Variants in CCDC175 observed in about 807,000 individuals in gnomAD.
The protein encoded by CCDC175 is coiled-coil domain containing 175.
A neutral mutation model predicts 114.6 loss-of-function variants in CCDC175; 100 were observed. That is an observed-to-expected ratio of 0.87 (90% CI 0.74 to 1.03). The LOEUF is 1.03. Ranked by LOEUF, CCDC175 falls within the 50% of genes least tolerant of loss-of-function variation. CCDC175 has a pLI of 0.00. For synonymous variants in CCDC175, 306 were observed against 308.7 expected (o/e 0.99, Z 0.09); for missense variants, 880 against 917.8 (o/e 0.96, Z 0.53).
intron 17 of CCDC175, among the ~76,000 whole-genome samples, chr14:59,518,380 A>G (rs1336984324): frequency 1.3e-5 from 2 of 152,228 alleles, no homozygotes; most frequent in Non-Finnish European, 2.9e-5. Context: ...CAGAGTGAAC[A>G]GGCAACCTAC....
At chr14:59,533,987 T>TAAAAAA (rs3084296) in intron 13 of CCDC175, among the ~76,000 whole-genome samples, 12 of 133,606 alleles carry the variant, frequency 9.0e-5, no homozygotes, top group African/African-American at 1.1e-4. Flanking sequence ...AGACCCCTTT[T>TAAAAAA]AAAAAAAAAA....
intron 17 of CCDC175, among the ~76,000 whole-genome samples, chr14:59,521,014 T>C (rs1272453612): frequency 2.0e-5 from 3 of 152,230 alleles, no homozygotes; most frequent in African/African-American, 2.4e-5. Context: ...GTAAAAACTT[T>C]ATATGTAAAG....
At chr14:59,562,236 C>G (rs1358271832) in intron 6 of CCDC175, among the ~76,000 whole-genome samples, 1 of 152,190 alleles carries the variant, frequency 6.6e-6, no homozygotes, top group East Asian at 1.9e-4. Flanking sequence ...GACAGGTAGG[C>G]CGCCTTAAGG....
At chr14:59,539,803 A>G (rs1297883931) in intron 11 of CCDC175, among the ~76,000 whole-genome samples, 1 of 152,130 alleles carries the variant, frequency 6.6e-6, no homozygotes, top group East Asian at 1.9e-4. Context: ...AATCCCAGCT[A>G]TCAGGAGAAT....
intron 14 of CCDC175, among the ~76,000 whole-genome samples, chr14:59,530,905 T>C (rs1010343493): frequency 6.6e-6 from 1 of 152,162 alleles, no homozygotes; most frequent in African/African-American, 2.4e-5. Context: ...ATCTAGAAGA[T>C]ACAAATTCTG....
intron 8 of CCDC175, among the ~76,000 whole-genome samples, chr14:59,546,862 A>T (rs745902677): frequency 3.3e-5 from 5 of 152,242 alleles, no homozygotes; most frequent in East Asian, 3.9e-4. Flanking sequence ...AATAAATAAA[A>T]AAGAATGCAC....
rs753607546 is a variant in CCDC175 at position 59,565,248 on chromosome 14, C to T, written c.519G>A (p.Lys173=). The part of the protein sequence containing the change: ...LGEKQEELAR[K]HARFVLSLNQ... ...TGAGTGACAGGACAAACCTTGCATG[C>T]TTCCTTGCTAGCTCTTCCTGCTTCT... The change falls in exon 5 of 20, where the codon AAG becomes AAA. Residue 173 remains lysine, a synonymous_variant. Coordinates refer to ENST00000537690, the MANE Select transcript of CCDC175 (RefSeq NM_001164399.2). 5 of 1,537,340 alleles carry T rather than the reference C, an allele frequency of 3.3e-6. No individual in the cohort carries two copies. In the Admixed American group the frequency reaches 9.8e-5, roughly 30 times the overall value.
At chr14:59,518,122 A>G (rs1411576747) in intron 17 of CCDC175, among the ~76,000 whole-genome samples, 4 of 152,236 alleles carry the variant, frequency 2.6e-5, no homozygotes, top group South Asian at 2.1e-4. Context: ...AGCCATATGG[A>G]GAAAGCTGAA....
intron 8 of CCDC175, among the ~76,000 whole-genome samples, chr14:59,546,174 G>A (rs887361567): frequency 2.0e-5 from 3 of 152,106 alleles, no homozygotes; most frequent in Non-Finnish European, 2.9e-5. Flanking sequence ...AGCAACATGG[G>A]TGCACCTAGA....
At chr14:59,557,870 C>T (rs942175127) in intron 7 of CCDC175, among the ~76,000 whole-genome samples, 5 of 152,088 alleles carry the variant, frequency 3.3e-5, no homozygotes, top group Middle Eastern at 3.2e-3. Flanking sequence ...TATGCAAGGT[C>T]CCTACCCTCA....
chr14:59,552,587 C>G (rs979165617), intron 7 of CCDC175, among the ~76,000 whole-genome samples: 1 of 152,166 alleles, frequency 6.6e-6, no homozygotes, highest in African/African-American at 2.4e-5. Context: ...GAACACAGCT[C>G]CTCACCAGCA....
At chr14:59,542,236 G>C (rs746301278) in intron 10 of CCDC175, among the ~76,000 whole-genome samples, 3 of 152,068 alleles carry the variant, frequency 2.0e-5, no homozygotes, top group Non-Finnish European at 4.4e-5. Flanking sequence ...TTTCATGCCC[G>C]ACTGTTTTAT....
rs1209180661 is a variant in CCDC175, at chr14:59,525,357, C to G, written c.1920G>C (p.Lys640Asn). 1.3e-6 allele frequency: 2 copies of G among 1,513,942 alleles called. No individual in the cohort carries two copies. Among genetic ancestry groups the G allele is most frequent in the African/African-American group, 1.4e-5 (1 of 71,116 alleles). 93.8% of individuals were successfully genotyped at this position (1,513,942 alleles called of 1,614,324 possible). A position where few individuals can be genotyped will look rare whatever the true frequency, so the allele number is the denominator to read the frequency against. ...KKNKDHFETL[K>N]NLENGFYIND... ...TTATATAGAATCCATTTTCTAAGTT[C>G]TTTAGAGTTTCAAAATGATCTTTGT... The change falls in exon 16 of 20, where the codon AAG (lysine) becomes AAC (asparagine). Residue 640 changes from lysine to asparagine, a missense_variant. Transcript: ENST00000537690.
At chr14:59,520,797 A>C (rs946699370) in intron 17 of CCDC175, among the ~76,000 whole-genome samples, 4 of 152,230 alleles carry the variant, frequency 2.6e-5, no homozygotes, top group African/African-American at 9.7e-5. Context: ...TATTAATGAC[A>C]GAAAGCAGAT....
At chr14:59,509,429 G>A (rs1892629201) in intron 19 of CCDC175, among the ~76,000 whole-genome samples, 1 of 152,184 alleles carries the variant, frequency 6.6e-6, no homozygotes, top group Admixed American at 6.5e-5. Flanking sequence ...ATTGGCCACT[G>A]AAACGTTATT....
At chr14:59,568,572 C>T (rs1234272757) in intron 3 of CCDC175, among the ~76,000 whole-genome samples, 192 bp from the exon 4 acceptor site, 23 of 152,156 alleles carry the variant, frequency 1.5e-4, no homozygotes, top group Admixed American at 1.4e-3. Flanking sequence ...GCTCTGGTAA[C>T]CAGCTTTCTG....
chr14:59,556,159 C>G (rs1461484456), intron 7 of CCDC175, among the ~76,000 whole-genome samples: 4 of 152,158 alleles, frequency 2.6e-5, no homozygotes, highest in Admixed American at 6.5e-5. Flanking sequence ...CCAAGTCAAT[C>G]CTAAGCCAAA....
intron 14 of CCDC175, among the ~76,000 whole-genome samples, chr14:59,530,163 T>C (rs1240400099): frequency 6.6e-6 from 1 of 151,890 alleles, no homozygotes; most frequent in East Asian, 1.9e-4. Flanking sequence ...GGCCAGGAGT[T>C]CACGACCACC....
At chr14:59,514,217 A>G (rs544276035) in intron 17 of CCDC175, among the ~76,000 whole-genome samples, 1 of 152,352 alleles carries the variant, frequency 6.6e-6, no homozygotes, top group South Asian at 2.1e-4. Flanking sequence ...AGATGGGGAA[A>G]AAACAGAGCA....
Sources: allele counts gnomAD v4.1 joint callset (sites outside exome capture counted in the v4.1 genomes callset), GRCh38; gene constraint gnomAD v4.1.1; transcripts MANE v1.5; gene names NCBI Gene and HGNC (gene_info 2026-07-23, HGNC 2026-07-21).